NBEA: variants seen among roughly 807,000 people sequenced by gnomAD.
NBEA encodes lysosomal-trafficking regulator 2.
In NBEA, 44 loss-of-function variants were observed where a neutral mutation model predicts 343.4. That is an observed-to-expected ratio of 0.13 (90% CI 0.10 to 0.16). The LOEUF (loss-of-function observed/expected upper bound fraction) is 0.16. Among genes scored for constraint, NBEA ranks in the 10% least tolerant of loss-of-function variants. The pLI is 1.00. For missense variants in NBEA, 2,555 were observed against 3,631.3 expected (o/e 0.70, Z 7.62); for synonymous variants, 1,175 against 1,238.7 (o/e 0.95, Z 1.08).
At chr13:35,406,255 A>C (rs199532076) in intron 38 of NBEA, among the ~76,000 whole-genome samples, 2 of 150,860 alleles carry the variant, frequency 1.3e-5, no homozygotes, top group East Asian at 3.9e-4. Flanking sequence ...ATTTTTCCTC[A>C]ATGGCTTCAC....
intron 1 of NBEA, among the ~76,000 whole-genome samples, chr13:34,951,425 A>G (rs1301524216): frequency 3.3e-5 from 5 of 152,188 alleles, no homozygotes; most frequent in Non-Finnish European, 7.3e-5. Context: ...GTTAGTACTT[A>G]CTATTGTTGT....
intron 20 of NBEA, 91 bp from the exon 21 acceptor site, chr13:35,156,987 A>AT: frequency 9.0e-7 from 1 of 1,108,070 alleles, no homozygotes; most frequent in Non-Finnish European, 1.3e-6. Flanking sequence ...GTCAGATCAT[A>AT]TTTTCACTAT....
chr13:35,659,612 A>G (rs2084974246), intron 55 of NBEA, among the ~76,000 whole-genome samples: 1 of 152,230 alleles, frequency 6.6e-6, no homozygotes, highest in Non-Finnish European at 1.5e-5. Context: ...GGTCACAAAG[A>G]TAATGAATAT....
chr13:35,568,390 C>T lies in NBEA; in HGVS notation c.7035+1373C>T, dbSNP rs138211364. The stretch of plus-strand genomic sequence containing the variant: ...AATTGCTAGCAAATGAATTCTAATA[C>T]GCTTGCAAATATAGTAATTCTTCCA... On this transcript the variant is annotated intron_variant, in intron 45 of 58. Transcript: ENST00000379939. Among the ~76,000 whole-genome samples, 1,025 of 152,218 alleles carry T rather than the reference C, an allele frequency of 6.7e-3. 21 individuals are homozygous for T. The highest frequency in any genetic ancestry group is 0.023 in the African/African-American group (969 of 41,540).
intron 1 of NBEA, among the ~76,000 whole-genome samples, chr13:35,014,602 A>G (rs1239261868): frequency 6.6e-6 from 1 of 152,130 alleles, no homozygotes; most frequent in African/African-American, 2.4e-5. Context: ...CAGAATCTCT[A>G]CTTAAAAGCA....
At chr13:35,391,978 T>C (rs770786375) in intron 38 of NBEA, among the ~76,000 whole-genome samples, 6 of 152,112 alleles carry the variant, frequency 3.9e-5, no homozygotes, top group Non-Finnish European at 7.4e-5. Flanking sequence ...TTCATTAATA[T>C]GAGTTTGATC....
At chr13:35,443,793 T>C (rs543322963) in intron 39 of NBEA, among the ~76,000 whole-genome samples, 1 of 152,126 alleles carries the variant, frequency 6.6e-6, no homozygotes, top group South Asian at 2.1e-4. Flanking sequence ...TTTTATTCAG[T>C]ATCACTAACA....
intron 38 of NBEA, among the ~76,000 whole-genome samples, chr13:35,393,248 C>T (rs146540976): frequency 2.8e-4 from 43 of 152,176 alleles, no homozygotes; most frequent in Non-Finnish European, 5.0e-4. Context: ...CATTTTAGCA[C>T]ATTAAAAAAA....
intron 38 of NBEA, among the ~76,000 whole-genome samples, chr13:35,364,916 A>G (rs552624198): frequency 1.3e-5 from 2 of 151,898 alleles, no homozygotes; most frequent in South Asian, 4.1e-4. Context: ...TTGAAAATAC[A>G]TTACGGAATA....
chr13:35,302,507 G>A (rs2036621500), intron 35 of NBEA, among the ~76,000 whole-genome samples: 1 of 152,100 alleles, frequency 6.6e-6, no homozygotes, highest in South Asian at 2.1e-4. Context: ...CTTAATATTA[G>A]GTGGAACCAC....
At chr13:35,626,400 T>A (rs567260535) in intron 48 of NBEA, among the ~76,000 whole-genome samples, 46 of 152,256 alleles carry the variant, frequency 3.0e-4, no homozygotes, top group Admixed American at 5.2e-4. Context: ...AGGTATTTTA[T>A]TCAATAATGG....
chr13:35,425,800 C>A (rs899964848), intron 38 of NBEA, among the ~76,000 whole-genome samples: 4 of 152,082 alleles, frequency 2.6e-5, no homozygotes, highest in Admixed American at 6.6e-5. Flanking sequence ...TTGTAGGTCA[C>A]TAAGGACTTG....
At chr13:35,556,219 A>C (rs1253436641) in intron 44 of NBEA, among the ~76,000 whole-genome samples, 1 of 152,024 alleles carries the variant, frequency 6.6e-6, no homozygotes, top group Non-Finnish European at 1.5e-5. Context: ...TATACTATTT[A>C]ATTAGCACAT....
chr13:35,010,768 A>G (rs1358771199), intron 1 of NBEA, among the ~76,000 whole-genome samples: 12 of 115,706 alleles, frequency 1.0e-4, no homozygotes, highest in Admixed American at 3.8e-4. Flanking sequence ...ATATATATAT[A>G]TATATATATA....
At chr13:35,275,557 G>A (rs1477223092) in intron 34 of NBEA, among the ~76,000 whole-genome samples, 1 of 152,170 alleles carries the variant, frequency 6.6e-6, no homozygotes, top group Non-Finnish European at 1.5e-5. Flanking sequence ...TATCATCAGA[G>A]TGAACAGGCA....
intron 27 of NBEA, among the ~76,000 whole-genome samples, chr13:35,175,570 G>A (rs1374375299): frequency 1.3e-5 from 2 of 152,158 alleles, no homozygotes; most frequent in South Asian, 4.1e-4. Flanking sequence ...GAAAAGCCCA[G>A]TGGGAAGGAA....
At chr13:34,982,526 C>T (rs533380303) in intron 1 of NBEA, among the ~76,000 whole-genome samples, 1 of 152,144 alleles carries the variant, frequency 6.6e-6, no homozygotes, top group African/African-American at 2.4e-5. Flanking sequence ...GTCTTGAACT[C>T]CTGGCCTCAG....
intron 31 of NBEA, among the ~76,000 whole-genome samples, chr13:35,202,059 C>T (rs936533410): frequency 3.9e-5 from 6 of 152,118 alleles, no homozygotes; most frequent in Admixed American, 1.3e-4. Flanking sequence ...TTTCACCAGC[C>T]AGAAGTATCT....
chr13:35,125,221 A>T (rs2067056361), intron 17 of NBEA, among the ~76,000 whole-genome samples: 1 of 152,154 alleles, frequency 6.6e-6, no homozygotes, highest in African/African-American at 2.4e-5. Flanking sequence ...GCAAAATATG[A>T]ACTCCAGAAT....
Sources: gnomAD v4.1 joint callset for allele counts (sites outside exome capture counted in the v4.1 genomes callset) on GRCh38, gnomAD v4.1.1 for gene constraint, MANE v1.5 for transcripts, NCBI Gene and HGNC (gene_info 2026-07-23, HGNC 2026-07-21) for gene names.